ALK: variants seen among roughly 807,000 people sequenced by gnomAD.
The protein encoded by ALK is ALK receptor tyrosine kinase, also known as ALK tyrosine kinase receptor.
In ALK, 74 loss-of-function variants were observed where a neutral mutation model predicts 163.1. The ratio of observed to expected loss-of-function variants is 0.45; its 90% CI spans 0.38 to 0.55. ALK has a LOEUF of 0.55. ALK is among the 20% of genes least tolerant of loss of function. The pLI is 0.00. For missense variants in ALK, 2,063 were observed against 2,105.3 expected, an observed-to-expected ratio of 0.98 and a Z score of 0.39; for synonymous variants, 960 against 843.2, an observed-to-expected ratio of 1.14 and a Z score of -2.40.
intron 1 of ALK, among the ~76,000 whole-genome samples, chr2:29,888,316 C>T (rs374003032): frequency 2.1e-5 from 3 of 143,558 alleles, no homozygotes; most frequent in East Asian, 4.0e-4. Flanking sequence ...ATTTTATTTA[C>T]TAACATTTAC....
intron 1 of ALK, among the ~76,000 whole-genome samples, chr2:29,798,230 G>A (rs1424040522): frequency 6.6e-6 from 1 of 152,230 alleles, no homozygotes. Context: ...CTCTTTGTGT[G>A]TGTGAGAGAG....
chr2:29,312,889 C>A (rs1481527724), intron 8 of ALK, among the ~76,000 whole-genome samples: 1 of 152,214 alleles, frequency 6.6e-6, no homozygotes, highest in Non-Finnish European at 1.5e-5. Flanking sequence ...GATGTCACAG[C>A]ATCAGATGAG....
intron 23 of ALK, among the ~76,000 whole-genome samples, chr2:29,218,669 T>C (rs1669704336): frequency 6.6e-6 from 1 of 152,186 alleles, no homozygotes; most frequent in Non-Finnish European, 1.5e-5. Flanking sequence ...GCTCCCAGAC[T>C]CCCTTTGCAA....
chr2:29,304,629 A>G (rs554957806), intron 8 of ALK, among the ~76,000 whole-genome samples: 50 of 152,314 alleles, frequency 3.3e-4, no homozygotes, highest in African/African-American at 1.2e-3. Context: ...CTTTGCATCA[A>G]CATTCATTCT....
intron 1 of ALK, among the ~76,000 whole-genome samples, chr2:29,805,709 T>C (rs1490180648): frequency 6.6e-6 from 1 of 152,216 alleles, no homozygotes; most frequent in East Asian, 1.9e-4. Context: ...TTCCATGGTG[T>C]ATATGTGCCA....
intron 1 of ALK, among the ~76,000 whole-genome samples, chr2:29,819,757 T>C (rs751929790): frequency 1.3e-5 from 2 of 152,214 alleles, no homozygotes; most frequent in African/African-American, 2.4e-5. Context: ...GTTCTGAATG[T>C]TTCAGCTCCT....
intron 1 of ALK, among the ~76,000 whole-genome samples, chr2:29,838,235 A>C (rs1665612802): frequency 6.6e-6 from 1 of 152,172 alleles, no homozygotes; most frequent in East Asian, 1.9e-4. Flanking sequence ...AAAAATATTA[A>C]GCAGTGTAGC....
intron 4 of ALK, among the ~76,000 whole-genome samples, chr2:29,398,590 C>T (rs868346396): frequency 1.8e-4 from 27 of 152,098 alleles, no homozygotes; most frequent in Admixed American, 9.8e-4. Flanking sequence ...GCTGTAAAAC[C>T]CATGTCTTCA....
intron 5 of ALK, among the ~76,000 whole-genome samples, chr2:29,359,847 G>A (rs1031089301): frequency 6.6e-6 from 1 of 152,174 alleles, no homozygotes; most frequent in Admixed American, 6.5e-5. Context: ...TAAGCAGCAC[G>A]GCCCTTTGGT....
At chr2:29,312,250 G>A (rs1285106943) in intron 8 of ALK, among the ~76,000 whole-genome samples, 1 of 152,122 alleles carries the variant, frequency 6.6e-6, no homozygotes, top group Non-Finnish European at 1.5e-5. Flanking sequence ...GAAACCACAG[G>A]TTCCATTTTT....
chr2:29,810,458 A>C (rs1321001402), intron 1 of ALK, among the ~76,000 whole-genome samples: 1 of 151,924 alleles, frequency 6.6e-6, no homozygotes, highest in Non-Finnish European at 1.5e-5. Context: ...TCATACTATC[A>C]AATGTTATCA....
At chr2:29,269,723 G>A (rs544658213) in intron 11 of ALK, among the ~76,000 whole-genome samples, 1 of 152,292 alleles carries the variant, frequency 6.6e-6, no homozygotes, top group African/African-American at 2.4e-5. Flanking sequence ...GGGCAGCTGA[G>A]CAGGGAAATG....
chr2:29,526,368 C>T (rs1442781631), intron 4 of ALK, among the ~76,000 whole-genome samples: 1 of 152,328 alleles, frequency 6.6e-6, no homozygotes, highest in Non-Finnish European at 1.5e-5. Flanking sequence ...CAGAGAACTT[C>T]GAGCTACGTG....
At chr2:29,654,630 T>C (rs1677128084) in intron 3 of ALK, among the ~76,000 whole-genome samples, 1 of 152,096 alleles carries the variant, frequency 6.6e-6, no homozygotes, top group South Asian at 2.1e-4. Flanking sequence ...GGATAGAAAA[T>C]TATAGGAAGT....
At chr2:29,597,686 G>A (rs1675251592) in intron 3 of ALK, among the ~76,000 whole-genome samples, 1 of 152,190 alleles carries the variant, frequency 6.6e-6, no homozygotes, top group African/African-American at 2.4e-5. Context: ...CCTTAGCCAT[G>A]ATTTTAATAA....
chr2:29,543,466 G>A (rs755590894), intron 3 of ALK, among the ~76,000 whole-genome samples: 4 of 152,150 alleles, frequency 2.6e-5, no homozygotes, highest in African/African-American at 7.2e-5. Flanking sequence ...CAAAGGGCAC[G>A]TCACCCTGAG....
Position 29,513,980 on chromosome 2 carries a change from C to T in ALK, c.1154+17935G>A, listed in dbSNP as rs1235109144. Among the ~76,000 whole-genome samples, 5 of 113,274 alleles carry T rather than the reference C, an allele frequency of 4.4e-5. 2 individuals are homozygous for T. The highest frequency in any genetic ancestry group is 1.4e-4 in the African/African-American group (4 of 28,324). The allele number at this position is 113,274 out of a possible 152,430, so 74.3% of individuals were successfully genotyped here. A position where few individuals can be genotyped will look rare whatever the true frequency, so the allele number is the denominator to read the frequency against. On this transcript the variant is annotated intron_variant, in intron 4 of 28. Transcript: ENST00000389048. Reference sequence around the variant, plus strand: ...ATCTCACACCAGTTAGAATGGCAATCATTAAAAAGTTAGGAAACAACAGGT... The same window carrying T: ...ATCTCACACCAGTTAGAATGGCAATTATTAAAAAGTTAGGAAACAACAGGT...
At chr2:29,912,508 T>C (rs1667732501) in intron 1 of ALK, among the ~76,000 whole-genome samples, 1 of 152,084 alleles carries the variant, frequency 6.6e-6, no homozygotes, top group African/African-American at 2.4e-5. Context: ...TTATCGTCAA[T>C]AGTCTTATTC....
chr2:29,511,811 G>T (rs1049318367), intron 4 of ALK, among the ~76,000 whole-genome samples: 1 of 152,160 alleles, frequency 6.6e-6, no homozygotes, highest in African/African-American at 2.4e-5. Context: ...ACTTGGTATG[G>T]TTAGTCTTTC....
Sources: gnomAD v4.1 joint callset for allele counts (sites outside exome capture counted in the v4.1 genomes callset) on GRCh38, gnomAD v4.1.1 for gene constraint, MANE v1.5 for transcripts, NCBI Gene and HGNC (gene_info 2026-07-23, HGNC 2026-07-21) for gene names.